Variants in SLC25A18 observed in about 807,000 individuals in gnomAD.
The protein encoded by SLC25A18 is mitochondrial glutamate carrier 2.
A neutral mutation model predicts 31.1 loss-of-function variants in SLC25A18; 24 were observed. That is an observed-to-expected ratio of 0.77 (90% CI 0.56 to 1.08). The LOEUF is 1.08. Among genes scored for constraint, SLC25A18 ranks in the 50% least tolerant of loss-of-function variants. SLC25A18 has a pLI of 0.00. For missense variants in SLC25A18, 371 were observed against 418.5 expected, an observed-to-expected ratio of 0.89 and a Z score of 0.99; for synonymous variants, 173 against 161.9, an observed-to-expected ratio of 1.07 and a Z score of -0.52.
At chr22:17,589,742 G>T in intron 10 of SLC25A18, 77 bp downstream of exon 10, 4 of 1,367,452 alleles carry the variant, frequency 2.9e-6, no homozygotes, top group Middle Eastern at 1.8e-4. Flanking sequence ...CAGATTTAGA[G>T]ACCAACTTGA....
At position 17,563,698 on chromosome 22, in the gene SLC25A18, T is replaced by G; in HGVS notation, c.-279T>G. 1.0e-6 allele frequency: 1 copy of G among 985,406 alleles called. No individual in the cohort carries two copies. The highest frequency in any genetic ancestry group is 1.2e-6 in the Non-Finnish European group (1 of 829,920). 61.0% of individuals were successfully genotyped at this position (985,406 alleles called of 1,614,324 possible). On this transcript the variant is annotated 5_prime_UTR_variant, in exon 1 of 11. Coordinates refer to ENST00000327451, the MANE Select transcript of SLC25A18 (RefSeq NM_031481.3). The stretch of plus-strand genomic sequence containing the variant: ...CAACTGAGATGAACGTCGACTCGCT[T>G]GCAGGCAAGTTGTCAGTAAGTATTT...
intron 5 of SLC25A18, chr22:17,582,201 T>A (rs1418809412): frequency 6.3e-6 from 1 of 159,914 alleles, no homozygotes; most frequent in Non-Finnish European, 1.4e-5. Context: ...TGAAACCCCG[T>A]CTCTACTAAA....
At chr22:17,581,317 G>A in intron 4 of SLC25A18, 41 bp from the exon 5 acceptor site, 1 of 1,612,136 alleles carries the variant, frequency 6.2e-7, no homozygotes, top group East Asian at 2.2e-5. Flanking sequence ...CGGCTGGGAG[G>A]CCCGCTGCAC....
chr22:17,580,209 T>G, intron 3 of SLC25A18: 1 of 423,164 alleles, frequency 2.4e-6, no homozygotes, highest in Non-Finnish European at 4.1e-6. Context: ...AACTACAAAA[T>G]TAAGTTTACA....
Position 17,570,055 on chromosome 22 carries a change from T to C in SLC25A18, c.-201+69T>C, listed in dbSNP as rs7288704. 1,245 of 953,628 alleles carry C rather than the reference T, an allele frequency of 1.3e-3. 12 individuals carry two copies. The African/African-American group carries it at 0.02, about 15-fold the overall frequency. The allele number at this position is 953,628 out of a possible 1,614,324, so 59.1% of individuals were successfully genotyped here. On this transcript the variant is annotated intron_variant, in intron 2 of 10. Coordinates refer to ENST00000327451, the MANE Select transcript of SLC25A18 (RefSeq NM_031481.3). ...AAAGACTCTTCTAGCAAATAAACCA[T>C]TGGGGGAAAGGGGAAGAGCAGCCAG...
intron 5 of SLC25A18, chr22:17,582,344 C>G: frequency 2.6e-6 from 1 of 386,882 alleles, no homozygotes; most frequent in East Asian, 4.3e-5. Flanking sequence ...CCACTGCACT[C>G]CAGCCTGGGC....
intron 2 of SLC25A18, among the ~76,000 whole-genome samples, chr22:17,576,630 C>G (rs1394837976): frequency 6.6e-6 from 1 of 152,172 alleles, no homozygotes; most frequent in African/African-American, 2.4e-5. Context: ...CTAATGGTTT[C>G]GCCTTTGTTG....
chr22:17,578,718 G>T (rs1407306373), intron 2 of SLC25A18, among the ~76,000 whole-genome samples: 2 of 152,158 alleles, frequency 1.3e-5, no homozygotes, highest in Admixed American at 6.5e-5. Context: ...ATCACCTGAG[G>T]TCGGAAAAAA....
intron 7 of SLC25A18, chr22:17,585,391 A>AG (rs1023404589): frequency 7.2e-5 from 11 of 151,866 alleles, no homozygotes; most frequent in African/African-American, 2.7e-4. Context: ...CTCCATCTCG[A>AG]GAAAAAAAAA....
intron 7 of SLC25A18, 78 bp from the exon 8 acceptor site, chr22:17,587,058 G>T: frequency 6.6e-7 from 1 of 1,519,976 alleles, no homozygotes; most frequent in East Asian, 2.3e-5. Context: ...CCAGGGGCAG[G>T]GATTGAGAGC....
chr22:17,583,668 G>A (rs1015214038), intron 7 of SLC25A18, 134 bp downstream of exon 7: 10 of 1,241,382 alleles, frequency 8.1e-6, no homozygotes, highest in Non-Finnish European at 1.1e-5. Context: ...TTTTGGCCAG[G>A]CATGGTGGCT....
intron 1 of SLC25A18, among the ~76,000 whole-genome samples, chr22:17,569,200 G>A (rs1032558928): frequency 6.6e-6 from 1 of 151,620 alleles, no homozygotes; most frequent in Non-Finnish European, 1.5e-5. Context: ...AGTAGACACG[G>A]GGTTTTACCA....
Position 17,588,027 on chromosome 22 carries a change from G to A in SLC25A18, c.678G>A (p.Val226=). The A allele has an allele frequency of 6.2e-7, 1 of 1,614,200 alleles. No individual in the cohort carries two copies. The change falls in exon 9 of 11, where the codon GTG becomes GTA. Residue 226 remains valine (V), a synonymous_variant. Transcript: ENST00000327451. ...AGGCGTCCTTTGCACATTCCTTCGTGTCAGGCTGTGTGGCAGGTTCCATAG... is the reference window on the plus strand; with the variant it reads ...AGGCGTCCTTTGCACATTCCTTCGTATCAGGCTGTGTGGCAGGTTCCATAG... The part of the protein sequence containing the change: ...AGKASFAHSF[V]SGCVAGSIAA...
chr22:17,587,831 AAG>A, intron 8 of SLC25A18, 92 bp from the exon 9 acceptor site: 1 of 1,506,038 alleles, frequency 6.6e-7, no homozygotes, highest in South Asian at 1.2e-5. Flanking sequence ...CTCTCACTGT[AAG>A]CCCCACAGCT....
rs1452071098 is a variant in SLC25A18, at chr22:17,571,957, C to T, written c.-201+1971C>T. 2.0e-5 allele frequency among the ~76,000 whole-genome samples: 3 copies of T among 151,532 alleles called. No homozygotes were observed. In the South Asian group the frequency reaches 6.2e-4, roughly 32 times the overall value. The stretch of plus-strand genomic sequence containing the variant: ...GCTTGAACCTAGGAGGCGGAGGTTG[C>T]AGTGAACCGAGATCATGCCCCTGCA... On this transcript the variant is annotated intron_variant, in intron 2 of 10. Transcript: ENST00000327451.
intron 2 of SLC25A18, among the ~76,000 whole-genome samples, chr22:17,574,144 G>T (rs2057166888): frequency 6.6e-6 from 1 of 152,210 alleles, no homozygotes; most frequent in African/African-American, 2.4e-5. Flanking sequence ...TGAGGTGGGA[G>T]GATCGCTTGA....
Position 17,590,746 on chromosome 22 carries a change from AC to A in SLC25A18, c.*513del, listed in dbSNP as rs1196810795. 3.3e-5 allele frequency: 5 copies of A among 152,900 alleles called. No individual in the cohort carries two copies. Among genetic ancestry groups the A allele is most frequent in the African/African-American group, 9.7e-5 (4 of 41,406 alleles). The allele number at this position is 152,900 out of a possible 1,614,324, so 9.5% of individuals were successfully genotyped here. A position where few individuals can be genotyped will look rare whatever the true frequency, so the allele number is the denominator to read the frequency against. On this transcript the variant is annotated 3_prime_UTR_variant, in exon 11 of 11. Transcript: ENST00000327451. The stretch of plus-strand genomic sequence containing the variant: ...GTCAGCACCTAGTTTGAGACCAAGC[AC>A]CCTTTCGAATCCCTGGATGGCTGAG...
intron 1 of SLC25A18, among the ~76,000 whole-genome samples, chr22:17,568,902 AT>A (rs1410271533): frequency 6.6e-6 from 1 of 151,658 alleles, no homozygotes; most frequent in Non-Finnish European, 1.5e-5. Flanking sequence ...GCTGGTAGAT[AT>A]TTAAGAATGT....
At chr22:17,564,881 C>A in intron 1 of SLC25A18, among the ~76,000 whole-genome samples, 1 of 118,978 alleles carries the variant, frequency 8.4e-6, no homozygotes, top group South Asian at 2.8e-4. Flanking sequence ...CAGGCCCAGG[C>A]AACATAATGA....
Sources: gnomAD v4.1 joint callset for allele counts (sites outside exome capture counted in the v4.1 genomes callset) on GRCh38, gnomAD v4.1.1 for gene constraint, MANE v1.5 for transcripts, NCBI Gene and HGNC (gene_info 2026-07-23, HGNC 2026-07-21) for gene names.